Variants in ROBO2 observed in about 807,000 individuals in gnomAD.
ROBO2 encodes the protein roundabout guidance receptor 2.
ROBO2 carries 53 observed loss-of-function variants against 160.8 expected under a neutral mutation model. That is an observed-to-expected ratio of 0.33 (90% confidence interval 0.26 to 0.41). The LOEUF (loss-of-function observed/expected upper bound fraction) is 0.41, where lower values mean the gene tolerates loss of function less well. Among genes scored for constraint, ROBO2 ranks in the 10% least tolerant of loss-of-function variants. The pLI, the probability that ROBO2 is intolerant of heterozygous loss-of-function variation, is 1.00. For missense variants in ROBO2, 1,577 were observed against 1,722.4 expected, an observed-to-expected ratio of 0.92 and a Z score of 1.49; for synonymous variants, 664 against 611.7, an observed-to-expected ratio of 1.09 and a Z score of -1.26.
chr3:77,566,479 A>C (rs1278424548), intron 12 of ROBO2, among the ~76,000 whole-genome samples: 1 of 152,076 alleles, frequency 6.6e-6, no homozygotes, highest in East Asian at 1.9e-4. Flanking sequence ...AAAATGGAAA[A>C]TGTGTACAAT....
intron 5 of ROBO2, among the ~76,000 whole-genome samples, chr3:77,501,387 A>G (rs2087584901): frequency 6.6e-6 from 1 of 152,216 alleles, no homozygotes; most frequent in Non-Finnish European, 1.5e-5. Flanking sequence ...GAATCATGCA[A>G]ATAAGTTTTA....
At chr3:76,417,359 A>G (rs946463313) in intron 2 of ROBO2, among the ~76,000 whole-genome samples, 1 of 152,236 alleles carries the variant, frequency 6.6e-6, no homozygotes, top group Non-Finnish European at 1.5e-5. Context: ...CTAGGACATC[A>G]TGTTATCATT....
chr3:76,295,443 A>G (rs930877869), intron 2 of ROBO2, among the ~76,000 whole-genome samples: 2 of 152,008 alleles, frequency 1.3e-5, no homozygotes, highest in African/African-American at 2.4e-5. Context: ...GGAAGCAGGT[A>G]TGCAAACAAA....
intron 2 of ROBO2, among the ~76,000 whole-genome samples, chr3:76,222,297 G>A (rs970277720): frequency 3.9e-5 from 6 of 152,148 alleles, no homozygotes; most frequent in African/African-American, 1.2e-4. Context: ...GCTGAGGCAA[G>A]TTTTAGAGCA....
chr3:76,219,403 A>G (rs1024764903), intron 2 of ROBO2, among the ~76,000 whole-genome samples: 1 of 152,228 alleles, frequency 6.6e-6, no homozygotes, highest in African/African-American at 2.4e-5. Flanking sequence ...ACAGCATGGG[A>G]GAAAATTTTT....
chr3:77,352,377 A>G (rs559775822), intron 2 of ROBO2, among the ~76,000 whole-genome samples: 6 of 152,270 alleles, frequency 3.9e-5, no homozygotes, highest in Non-Finnish European at 5.9e-5. Flanking sequence ...TTCGTGGAAG[A>G]TATTCTCATG....
At chr3:77,409,103 G>GTATATATATATATA (rs57350639) in intron 2 of ROBO2, among the ~76,000 whole-genome samples, 72 of 129,634 alleles carry the variant, frequency 5.6e-4, no homozygotes, top group South Asian at 7.7e-4. Flanking sequence ...ATATATATAT[G>GTATATATATATATA]TATATATATA....
At chr3:77,408,666 G>A (rs35835505) in intron 2 of ROBO2, among the ~76,000 whole-genome samples, 18,405 of 152,030 alleles carry the variant, frequency 0.12, 1,333 homozygotes, top group East Asian at 0.25. Flanking sequence ...ATCAAAATTT[G>A]ACTTTTATTT....
chr3:75,961,942 A>G (rs773821103), intron 2 of ROBO2, among the ~76,000 whole-genome samples: 22 of 151,474 alleles, frequency 1.5e-4, no homozygotes, highest in Non-Finnish European at 3.0e-4. Context: ...TGTAGCAATC[A>G]TTAATCTAGG....
At chr3:76,083,532 T>C (rs541435490) in intron 2 of ROBO2, among the ~76,000 whole-genome samples, 3 of 152,288 alleles carry the variant, frequency 2.0e-5, no homozygotes, top group Admixed American at 1.3e-4. Flanking sequence ...TAGACTAGTT[T>C]GTGATTTTTG....
intron 2 of ROBO2, among the ~76,000 whole-genome samples, chr3:77,179,463 G>T (rs1272682579): frequency 6.7e-6 from 1 of 149,980 alleles, no homozygotes; most frequent in Non-Finnish European, 1.5e-5. Flanking sequence ...ATTTTGTTTT[G>T]AAAAAAAATA....
intron 1 of ROBO2, among the ~76,000 whole-genome samples, chr3:75,913,815 A>G (rs929500145): frequency 6.6e-6 from 1 of 152,190 alleles, no homozygotes; most frequent in African/African-American, 2.4e-5. Flanking sequence ...CCTTTGCAGA[A>G]TATAAATTTT....
intron 2 of ROBO2, among the ~76,000 whole-genome samples, chr3:76,083,514 C>CT (rs2068906982): frequency 6.6e-6 from 1 of 152,044 alleles, no homozygotes; most frequent in African/African-American, 2.4e-5. Context: ...AAAAAATACA[C>CT]TTTTTGCTAG....
At chr3:77,088,125 G>A (rs1449294962) in intron 1 of ROBO2, among the ~76,000 whole-genome samples, 2 of 152,092 alleles carry the variant, frequency 1.3e-5, no homozygotes, top group East Asian at 3.9e-4. Context: ...GCTGATAAAG[G>A]CACTGAATAA....
chr3:76,366,935 T>C (rs1007461542), intron 2 of ROBO2, among the ~76,000 whole-genome samples: 2 of 152,024 alleles, frequency 1.3e-5, no homozygotes, highest in East Asian at 3.9e-4. Context: ...ATATTTTGTT[T>C]TAAACTATAA....
chr3:77,075,672 C>CGT (rs2067903739), intron 1 of ROBO2, among the ~76,000 whole-genome samples: 1 of 87,252 alleles, frequency 1.1e-5, no homozygotes, highest in Non-Finnish European at 2.0e-5. Flanking sequence ...TTTCTTTCTC[C>CGT]TTTTTTTTTT....
At chr3:77,030,685 T>C (rs1398933148) in intron 2 of ROBO2, among the ~76,000 whole-genome samples, 1 of 152,182 alleles carries the variant, frequency 6.6e-6, no homozygotes, top group African/African-American at 2.4e-5. Context: ...CCCCAGCTTG[T>C]AGCAATATAC....
intron 2 of ROBO2, among the ~76,000 whole-genome samples, chr3:76,708,946 G>C (rs892957040): frequency 1.4e-4 from 21 of 152,226 alleles, no homozygotes; most frequent in African/African-American, 5.1e-4. Context: ...CACTGGGACA[G>C]TGGGAGTCAG....
intron 2 of ROBO2, among the ~76,000 whole-genome samples, chr3:76,692,012 A>G (rs1379326996): frequency 7.2e-5 from 11 of 152,162 alleles, no homozygotes; most frequent in Admixed American, 3.9e-4. Context: ...GTAGGAGCTC[A>G]TTAAACCTTG....
Sources: allele counts gnomAD v4.1 joint callset (sites outside exome capture counted in the v4.1 genomes callset), GRCh38; gene constraint gnomAD v4.1.1; transcripts MANE v1.5; gene names NCBI Gene and HGNC (gene_info 2026-07-23, HGNC 2026-07-21).